The following TNS1 variants were observed in gnomAD, a reference collection of about 807,000 sequenced individuals.
TNS1 encodes the protein tensin 1, also known as tensin-1.
In TNS1, 62 loss-of-function variants were observed where a neutral mutation model predicts 168.6. That is an observed-to-expected ratio of 0.37 (90% CI 0.30 to 0.45). The LOEUF (loss-of-function observed/expected upper bound fraction) is 0.45. Ranked by LOEUF, TNS1 falls within the 20% of genes least tolerant of loss-of-function variation. TNS1 has a pLI of 1.00. For missense variants in TNS1, 2,240 were observed against 2,339.4 expected (o/e 0.96, Z 0.88); for synonymous variants, 934 against 933.2 (o/e 1.00, Z -0.02).
rs187536373 is a variant in TNS1, at chr2:217,917,044, G to A, written c.228+3151C>T. On this transcript the variant is annotated intron_variant, in intron 4 of 32. Transcript: ENST00000682258. Reference sequence around the variant, plus strand: ...TTCAAAGCACTTGCCTCGCCCGCCCGTGAGGAAACAGGTGCTGAGTGCTCC... The same window carrying A: ...TTCAAAGCACTTGCCTCGCCCGCCCATGAGGAAACAGGTGCTGAGTGCTCC... Among the ~76,000 whole-genome samples, 321 of 152,290 alleles carry A rather than the reference G, an allele frequency of 2.1e-3. 2 individuals carry two copies. Among genetic ancestry groups the A allele is most frequent in the African/African-American group, 6.9e-3 (287 of 41,574 alleles).
intron 2 of TNS1, among the ~76,000 whole-genome samples, chr2:217,980,504 C>G (rs866121069): frequency 3.4e-4 from 44 of 131,330 alleles, no homozygotes; most frequent in African/African-American, 1.1e-3. Context: ...CCTACACACA[C>G]ACAGAGAGAG....
chr2:218,030,107 C>T (rs1056478501), intron 1 of TNS1, among the ~76,000 whole-genome samples: 1 of 152,160 alleles, frequency 6.6e-6, no homozygotes, highest in South Asian at 2.1e-4. Context: ...CCTGCCCTGC[C>T]TCCCAGGCAC....
At chr2:218,028,416 T>C (rs1958867196) in intron 1 of TNS1, among the ~76,000 whole-genome samples, 1 of 152,216 alleles carries the variant, frequency 6.6e-6, no homozygotes, top group South Asian at 2.1e-4. Context: ...TTCTCTCTCC[T>C]GTCTGTGGGG....
intron 1 of TNS1, among the ~76,000 whole-genome samples, chr2:218,027,486 C>G (rs1485414249): frequency 2.0e-5 from 3 of 152,036 alleles, no homozygotes; most frequent in Non-Finnish European, 2.9e-5. Context: ...AAGGTGAACT[C>G]CTGCTGAAAC....
chr2:217,898,116 C>A, intron 7 of TNS1, 147 bp from the exon 8 acceptor site: 1 of 983,700 alleles, frequency 1.0e-6, no homozygotes, highest in Non-Finnish European at 1.4e-6. Flanking sequence ...GCCAAGGCCA[C>A]AGGCTTCCTC....
intron 3 of TNS1, among the ~76,000 whole-genome samples, chr2:217,940,474 C>A (rs1020791145): frequency 1.3e-5 from 2 of 152,174 alleles, no homozygotes; most frequent in Admixed American, 6.5e-5. Flanking sequence ...CTCAGGCTCA[C>A]GGCACACTCA....
At chr2:217,807,087 A>AT (rs1440265746) in intron 32 of TNS1, among the ~76,000 whole-genome samples, 4 of 152,184 alleles carry the variant, frequency 2.6e-5, no homozygotes, top group East Asian at 3.8e-4. Context: ...TGCAACTGTC[A>AT]TTTTTTTAAC....
Position 217,818,076 on chromosome 2 carries a change from G to A in TNS1, c.4256C>T (p.Pro1419Leu), listed in dbSNP as rs998657845. The part of the protein sequence containing the change: ...GGSGSVVPGS[P>L]CLDRHVAYGG... The stretch of plus-strand genomic sequence containing the variant: ...ATAGGCCACATGCCGGTCCAAGCAG[G>A]GGCTGCCGGGAACCACAGATCCAGA... The change falls in exon 24 of 33, where the codon CCC (proline) becomes CTC (leucine). Residue 1419 changes from proline to leucine, a missense_variant. By Grantham distance (98) the Pro-to-Leu change is moderately conservative (BLOSUM62 -3). Coordinates refer to ENST00000682258, the MANE Select transcript of TNS1 (RefSeq NM_001387777.1). The A allele has an allele frequency of 1.2e-6, 2 of 1,612,340 alleles. No individual in the cohort carries two copies. Among genetic ancestry groups the A allele is most frequent in the East Asian group, 4.5e-5 (2 of 44,846 alleles).
intron 4 of TNS1, among the ~76,000 whole-genome samples, chr2:217,909,301 G>A (rs1179025638): frequency 6.6e-6 from 1 of 152,102 alleles, no homozygotes; most frequent in African/African-American, 2.4e-5. Context: ...GAACTGAGAT[G>A]CAAACCCAAA....
At chr2:217,982,434 T>A (rs1958079129) in intron 2 of TNS1, among the ~76,000 whole-genome samples, 1 of 150,790 alleles carries the variant, frequency 6.6e-6, no homozygotes, top group Non-Finnish European at 1.5e-5. Context: ...GGTCTTGCTC[T>A]GCTCTGTCAC....
chr2:217,818,699 G>C lies in TNS1; in HGVS notation c.3633C>G (p.Thr1211=), dbSNP rs1450937163. 1.2e-6 allele frequency: 2 copies of C among 1,614,166 alleles called. No homozygotes were observed. Among genetic ancestry groups the C allele is most frequent in the East Asian group, 2.2e-5 (1 of 44,876 alleles). Residue 1211 remains threonine (T), a synonymous_variant, in exon 24 of 33, where the codon ACC becomes ACG. Transcript: ENST00000682258. ...GGAAGCCAGACTCCAACAGAGGCTG[G>C]GTGGGCGTCCGGGGACCCTGGTCAC... The part of the protein sequence containing the change: ...ESSDQGPRTP[T]QPLLESGFRS...
chr2:217,804,856 G>T (rs1001122320), intron 32 of TNS1, among the ~76,000 whole-genome samples: 1 of 152,176 alleles, frequency 6.6e-6, no homozygotes, highest in Non-Finnish European at 1.5e-5. Flanking sequence ...AGGGGTGCGA[G>T]GGGAGCTGCA....
At chr2:217,910,529 A>C (rs1192792052) in intron 4 of TNS1, among the ~76,000 whole-genome samples, 1 of 151,962 alleles carries the variant, frequency 6.6e-6, no homozygotes, top group African/African-American at 2.4e-5. Context: ...ACAGGAGGGC[A>C]GGATCCCCTG....
chr2:217,816,050 T>A (rs1431947004), intron 24 of TNS1, among the ~76,000 whole-genome samples: 1 of 152,032 alleles, frequency 6.6e-6, no homozygotes, highest in Non-Finnish European at 1.5e-5. Context: ...TGGAGGGAGC[T>A]CAGACAGGAC....
At position 217,824,569 on chromosome 2, in the gene TNS1, C is replaced by T. The variant is rs533145262; in HGVS notation, c.3374-2631G>A. ...ACCCAGGCAGTCTGGCCCCAACCTG[C>T]CCTTACCCACTGCACATACAACCCT... On this transcript the variant is annotated intron_variant, in intron 22 of 32. Coordinates refer to ENST00000682258, the MANE Select transcript of TNS1 (RefSeq NM_001387777.1). 2.0e-5 allele frequency among the ~76,000 whole-genome samples: 3 copies of T among 152,328 alleles called. No individual in the cohort carries two copies. In the East Asian group the frequency reaches 5.8e-4, roughly 29 times the overall value.
chr2:218,012,687 G>A (rs942198549), upstream of TNS1, among the ~76,000 whole-genome samples: 2 of 151,942 alleles, frequency 1.3e-5, no homozygotes, highest in Non-Finnish European at 2.9e-5. Context: ...CTCAATACCT[G>A]AAGGTCAATG....
At chr2:217,869,777 G>A (rs767835361) in intron 18 of TNS1, among the ~76,000 whole-genome samples, 8 of 152,186 alleles carry the variant, frequency 5.3e-5, no homozygotes, top group Non-Finnish European at 1.0e-4. Flanking sequence ...AATAGCAGAC[G>A]GGGGAATGGA....
intron 3 of TNS1, among the ~76,000 whole-genome samples, chr2:217,930,700 GT>G (rs1956275963): frequency 6.6e-6 from 1 of 152,230 alleles, no homozygotes; most frequent in African/African-American, 2.4e-5. Context: ...GGGCAGGAAA[GT>G]GGGGCAGTCA....
intron 3 of TNS1, among the ~76,000 whole-genome samples, chr2:217,977,351 A>G (rs1001015177): frequency 6.6e-6 from 1 of 152,226 alleles, no homozygotes; most frequent in African/African-American, 2.4e-5. Context: ...AACCCACTGC[A>G]TGGAGGTACC....
Sources: allele counts gnomAD v4.1 joint callset (sites outside exome capture counted in the v4.1 genomes callset), GRCh38; gene constraint gnomAD v4.1.1; transcripts MANE v1.5; gene names NCBI Gene and HGNC (gene_info 2026-07-23, HGNC 2026-07-21).